The following TNRC6A variants were observed in gnomAD, a reference collection of about 807,000 sequenced individuals.
TNRC6A encodes trinucleotide repeat-containing gene 6A protein.
Under a neutral mutation model 221.2 loss-of-function variants are expected in TNRC6A, and 44 were observed. The ratio of observed to expected loss-of-function variants is 0.20; its 90% CI spans 0.16 to 0.26. The LOEUF (loss-of-function observed/expected upper bound fraction) is 0.26. Among genes scored for constraint, TNRC6A ranks in the 10% least tolerant of loss-of-function variants. The pLI is 1.00. For synonymous variants in TNRC6A, 847 were observed against 838.5 expected (o/e 1.01, Z -0.18); for missense variants, 2,199 against 2,404.4 (o/e 0.91, Z 1.79).
At position 24,792,110 on chromosome 16, in the gene TNRC6A, CCTTAA is replaced by C. The variant is rs1279357810; in HGVS notation, c.3175+297_3175+301del. 4.6e-5 allele frequency among the ~76,000 whole-genome samples: 7 copies of C among 152,204 alleles called. No homozygotes were observed. The East Asian group carries it at 1.4e-3, about 29-fold the overall frequency. On this transcript the variant is annotated intron_variant, in intron 6 of 24. Coordinates refer to ENST00000395799, the MANE Select transcript of TNRC6A (RefSeq NM_014494.4). ...TTCTCCAAGTTGTTTTTGAGTTAGG[CCTTAA>C]CTTGTGGTTTTATTATTTGACTAAA...
chr16:24,709,568 A>T lies in TNRC6A; in HGVS notation n.403-41158A>T, dbSNP rs183150912. On this transcript the variant is annotated intron_variant and non_coding_transcript_variant, in intron 2 of 2. Transcript: ENST00000566108. ...GGCCAGGCCTGGTGGCTCACACTGTAATCTTAGCACTTTGGGAGGCTGAGG... is the reference window on the plus strand; with the variant it reads ...GGCCAGGCCTGGTGGCTCACACTGTTATCTTAGCACTTTGGGAGGCTGAGG... 8.7e-4 allele frequency among the ~76,000 whole-genome samples: 133 copies of T among 152,262 alleles called. 3 individuals carry two copies. The East Asian group carries it at 0.021, about 25-fold the overall frequency.
At chr16:24,748,754 C>T (rs1038565873) in intron 2 of TNRC6A, among the ~76,000 whole-genome samples, 4 of 152,158 alleles carry the variant, frequency 2.6e-5, no homozygotes, top group Non-Finnish European at 5.9e-5. Flanking sequence ...GTTTCTTAGG[C>T]ACTTGTCTTT....
chr16:24,680,683 T>G (rs1000090283), intron 2 of TNRC6A, among the ~76,000 whole-genome samples: 1 of 142,984 alleles, frequency 7.0e-6, no homozygotes, highest in African/African-American at 2.6e-5. Context: ...GCCACTGCAC[T>G]CCAGCCTGGG....
intron 1 of TNRC6A, among the ~76,000 whole-genome samples, chr16:24,623,262 G>C (rs905410757): frequency 1.3e-5 from 2 of 151,426 alleles, no homozygotes; most frequent in African/African-American, 4.9e-5. Context: ...GCCGTGGTGC[G>C]ATCTCGGCTC....
chr16:24,719,710 G>C (rs778387780), intron 2 of TNRC6A, among the ~76,000 whole-genome samples: 1 of 151,786 alleles, frequency 6.6e-6, no homozygotes, highest in Non-Finnish European at 1.5e-5. Context: ...GTGTGGTAGT[G>C]TCCGTCTGTA....
At chr16:24,683,398 A>G (rs897855121) in intron 2 of TNRC6A, among the ~76,000 whole-genome samples, 3 of 152,070 alleles carry the variant, frequency 2.0e-5, no homozygotes, top group Admixed American at 6.6e-5. Flanking sequence ...GAGTCTTGCT[A>G]TGTTGCCCAG....
chr16:24,751,038 T>C (rs1167784038), intron 3 of TNRC6A, among the ~76,000 whole-genome samples: 1 of 152,168 alleles, frequency 6.6e-6, no homozygotes, highest in Non-Finnish European at 1.5e-5. Context: ...GTAAGTACAT[T>C]TTATGGATCT....
At chr16:24,633,061 C>T (rs1364017183) in intron 1 of TNRC6A, among the ~76,000 whole-genome samples, 1 of 151,524 alleles carries the variant, frequency 6.6e-6, no homozygotes, top group East Asian at 1.9e-4. Context: ...CAAGGCCCTA[C>T]ATCACCAGGC....
intron 15 of TNRC6A, among the ~76,000 whole-genome samples, chr16:24,806,001 A>G (rs543865366): frequency 5.3e-5 from 8 of 152,310 alleles, no homozygotes; most frequent in African/African-American, 1.9e-4. Context: ...TGTTGAAGTG[A>G]AAGTTTAGAT....
intron 4 of TNRC6A, among the ~76,000 whole-genome samples, chr16:24,773,003 A>AT (rs988231088): frequency 1.5e-4 from 23 of 151,926 alleles, no homozygotes; most frequent in Middle Eastern, 6.8e-3. Flanking sequence ...GCCGAAGGTT[A>AT]TTTTTTTCCA....
chr16:24,616,567 A>G (rs773354097), intron 1 of TNRC6A, among the ~76,000 whole-genome samples: 5 of 152,106 alleles, frequency 3.3e-5, no homozygotes, highest in Non-Finnish European at 7.4e-5. Context: ...TTATTCTTTG[A>G]TATTTGTTAA....
chr16:24,757,424 T>C (rs1375086435), intron 3 of TNRC6A, among the ~76,000 whole-genome samples: 1 of 152,268 alleles, frequency 6.6e-6, no homozygotes, highest in Non-Finnish European at 1.5e-5. Flanking sequence ...GCTTTATTGC[T>C]ATTTAGAAAC....
At chr16:24,785,057 C>A (rs1463276759) in intron 5 of TNRC6A, among the ~76,000 whole-genome samples, 4 of 152,090 alleles carry the variant, frequency 2.6e-5, no homozygotes, top group African/African-American at 9.7e-5. Context: ...ACTGAATATT[C>A]CCTTTCTCCA....
intron 4 of TNRC6A, among the ~76,000 whole-genome samples, chr16:24,763,113 G>A (rs926357981): frequency 6.6e-6 from 1 of 152,142 alleles, no homozygotes; most frequent in Non-Finnish European, 1.5e-5. Flanking sequence ...ATGAACAAGA[G>A]TTTTGAGAGC....
chr16:24,822,110 T>C lies in TNRC6A; in HGVS notation c.5336T>C (p.Ile1779Thr), dbSNP rs2058777450. ...SSWGESSSGRITNWLVLKNLT... is the reference protein window; with the variant it reads ...SSWGESSSGRTTNWLVLKNLT... ...TGGGGTGAGAGCAGCTCAGGGAGAA[T>C]AACAAATTGGCTTGTTCTAAAAAAC... Residue 1779 changes from isoleucine (I) to threonine (T), a missense_variant, in exon 23 of 25, where the codon ATA becomes ACA. Ile to Thr is a moderately conservative substitution (Grantham distance 89). Coordinates refer to ENST00000395799, the MANE Select transcript of TNRC6A (RefSeq NM_014494.4). 6.2e-7 allele frequency: 1 copy of C among 1,614,122 alleles called. No homozygotes were observed. The highest frequency in any genetic ancestry group is 8.5e-7 in the Non-Finnish European group (1 of 1,180,004).
chr16:24,695,943 C>T (rs960997401), intron 2 of TNRC6A, among the ~76,000 whole-genome samples: 2 of 152,142 alleles, frequency 1.3e-5, no homozygotes, highest in African/African-American at 4.8e-5. Context: ...GGGATTCCCA[C>T]CAGCATTTGG....
At position 24,654,178 on chromosome 16, in the gene TNRC6A, G is replaced by T. The variant is rs905764395; in HGVS notation, n.402+13169G>T. Among the ~76,000 whole-genome samples, 5 of 152,080 alleles carry T rather than the reference G, an allele frequency of 3.3e-5. 1 individual carries two copies. Among genetic ancestry groups the T allele is most frequent in the Admixed American group, 3.3e-4 (5 of 15,254 alleles). On this transcript the variant is annotated intron_variant and non_coding_transcript_variant, in intron 2 of 2. Transcript: ENST00000566108. ...TGGCCTCAAGCAATCCTCCTGCCTT[G>T]AACTCCTAAAATGCTGGGATTACAG...
intron 19 of TNRC6A, 64 bp downstream of exon 19, chr16:24,815,369 G>T (rs910603898): frequency 7.0e-6 from 11 of 1,568,346 alleles, no homozygotes; most frequent in Non-Finnish European, 8.7e-6. Context: ...TGTTACATCT[G>T]GACTTACTAC....
chr16:24,719,796 G>A (rs1234265512), intron 2 of TNRC6A, among the ~76,000 whole-genome samples: 3 of 149,904 alleles, frequency 2.0e-5, no homozygotes, highest in Non-Finnish European at 4.4e-5. Flanking sequence ...AGCTATAATT[G>A]CACCATTGCA....
Sources: gnomAD v4.1 joint callset for allele counts (sites outside exome capture counted in the v4.1 genomes callset) on GRCh38, gnomAD v4.1.1 for gene constraint, MANE v1.5 for transcripts, NCBI Gene and HGNC (gene_info 2026-07-23, HGNC 2026-07-21) for gene names.